The following ENTHD1 variants were observed in gnomAD, a reference collection of about 807,000 sequenced individuals.
The protein encoded by ENTHD1 is ENTH domain-containing protein 1.
In ENTHD1, 23 loss-of-function variants were observed where a neutral mutation model predicts 39.1. The observed-to-expected ratio is 0.59, with a 90% confidence interval of 0.42 to 0.83. The LOEUF is 0.83. Among genes scored for constraint, ENTHD1 ranks in the 40% least tolerant of loss-of-function variants. ENTHD1 has a pLI of 0.00. For missense variants in ENTHD1, 624 were observed against 705.4 expected (o/e 0.88, Z 1.31); for synonymous variants, 230 against 258.2 (o/e 0.89, Z 1.05).
Position 39,765,468 on chromosome 22 carries a change from C to T in ENTHD1, c.974G>A (p.Gly325Asp). 6.2e-7 allele frequency: 1 copy of T among 1,613,916 alleles called. No individual in the cohort carries two copies. The highest frequency in any genetic ancestry group is 8.5e-7 in the Non-Finnish European group (1 of 1,179,944). The part of the protein sequence containing the change: ...TPLEKQSAAE[G>D]LKTLTILPAC... ...TGGTAAAATTGTCAATGTTTTAAGA[C>T]CTTCTGCAGCTGATTGCTTTTCTAA... The change falls in exon 6 of 7, where the codon GGT becomes GAT. Residue 325 changes from glycine (G) to aspartate (D), a missense_variant. Coordinates refer to ENST00000325157, the MANE Select transcript of ENTHD1 (RefSeq NM_152512.4).
intron 5 of ENTHD1, among the ~76,000 whole-genome samples, chr22:39,804,714 CAT>C (rs1176736532): frequency 6.6e-6 from 1 of 152,208 alleles, no homozygotes; most frequent in Non-Finnish European, 1.5e-5. Flanking sequence ...CACAACTCCA[CAT>C]GTCACTGAAT....
intron 5 of ENTHD1, among the ~76,000 whole-genome samples, chr22:39,777,023 G>A (rs149166904): frequency 1.3e-5 from 2 of 152,298 alleles, no homozygotes; most frequent in African/African-American, 4.8e-5. Flanking sequence ...TCCAATTACA[G>A]CTACAAAGCA....
At chr22:39,864,797 G>T (rs2066170941) in intron 2 of ENTHD1, among the ~76,000 whole-genome samples, 1 of 152,114 alleles carries the variant, frequency 6.6e-6, no homozygotes, top group Non-Finnish European at 1.5e-5. Context: ...GTGGCTGAGG[G>T]ATGATAATCG....
At chr22:39,778,582 A>C (rs1206578138) in intron 5 of ENTHD1, among the ~76,000 whole-genome samples, 4 of 152,230 alleles carry the variant, frequency 2.6e-5, no homozygotes, top group African/African-American at 9.6e-5. Context: ...ATTCAAAATA[A>C]GCAAAAAAGA....
intron 3 of ENTHD1, among the ~76,000 whole-genome samples, chr22:39,850,668 T>C (rs1275688728): frequency 6.6e-6 from 1 of 152,164 alleles, no homozygotes; most frequent in Non-Finnish European, 1.5e-5. Flanking sequence ...TTGTCTGGAA[T>C]TTATGCACTC....
chr22:39,762,499 T>C (rs1407964461), intron 6 of ENTHD1, among the ~76,000 whole-genome samples: 1 of 151,968 alleles, frequency 6.6e-6, no homozygotes, highest in Non-Finnish European at 1.5e-5. Flanking sequence ...TCACCCAGGC[T>C]AAAGCGCAGT....
rs564854132 is a variant in ENTHD1, at chr22:39,875,793, A to T, written c.349+11607T>A. The T allele has an allele frequency of 5.0e-6, 8 of 1,613,542 alleles. No individual in the cohort carries two copies. The East Asian group carries it at 1.8e-4, about 36-fold the overall frequency. On this transcript the variant is annotated intron_variant, in intron 2 of 6. Transcript: ENST00000325157. ...CCAGAAGGCAAGAACATGGCTTTCA[A>T]ATGGAGAGGCAAACCCCTGTTTGTA...
intron 2 of ENTHD1, among the ~76,000 whole-genome samples, chr22:39,869,909 TA>T (rs1601657416): frequency 6.6e-6 from 1 of 151,922 alleles, no homozygotes; most frequent in Non-Finnish European, 1.5e-5. Context: ...GAGATTTTTT[TA>T]AAAAAATTCA....
chr22:39,848,116 G>A (rs1192623477), intron 3 of ENTHD1, among the ~76,000 whole-genome samples: 1 of 152,120 alleles, frequency 6.6e-6, no homozygotes, highest in Non-Finnish European at 1.5e-5. Context: ...TCTCACCTTC[G>A]AGGCCACTTG....
intron 6 of ENTHD1, among the ~76,000 whole-genome samples, chr22:39,752,513 C>T (rs1398760259): frequency 1.3e-5 from 2 of 152,082 alleles, no homozygotes; most frequent in Non-Finnish European, 1.5e-5. Flanking sequence ...CTAAAAGCTA[C>T]TAAATCATAC....
chr22:39,746,935 G>A (rs1486609786), intron 6 of ENTHD1, among the ~76,000 whole-genome samples: 3 of 152,170 alleles, frequency 2.0e-5, no homozygotes, highest in Admixed American at 1.3e-4. Context: ...GGTATTCATG[G>A]TTAATTGTTC....
intron 5 of ENTHD1, among the ~76,000 whole-genome samples, chr22:39,783,790 A>G (rs1339555429): frequency 6.6e-6 from 1 of 152,226 alleles, no homozygotes; most frequent in Non-Finnish European, 1.5e-5. Context: ...TGACACTATG[A>G]AACTACTGAA....
At chr22:39,777,332 A>G (rs1220043765) in intron 5 of ENTHD1, among the ~76,000 whole-genome samples, 4 of 152,222 alleles carry the variant, frequency 2.6e-5, no homozygotes, top group Non-Finnish European at 5.9e-5. Context: ...TTTTTCTTAC[A>G]GTACATGCAT....
chr22:39,803,006 G>A (rs1004222498), intron 5 of ENTHD1, among the ~76,000 whole-genome samples: 10 of 151,990 alleles, frequency 6.6e-5, no homozygotes, highest in Non-Finnish European at 1.5e-4. Context: ...GCTTCTGCTC[G>A]CACTTCCTCC....
At chr22:39,863,719 T>C (rs537776274) in intron 2 of ENTHD1, among the ~76,000 whole-genome samples, 1 of 152,302 alleles carries the variant, frequency 6.6e-6, no homozygotes, top group South Asian at 2.1e-4. Flanking sequence ...TGTATGTTCA[T>C]TTTGGGCTCT....
chr22:39,871,045 A>G (rs896028978), intron 2 of ENTHD1, among the ~76,000 whole-genome samples: 6 of 152,134 alleles, frequency 3.9e-5, no homozygotes, highest in Non-Finnish European at 8.8e-5. Context: ...TTAGCTAGTC[A>G]TGGTGGCAAA....
intron 5 of ENTHD1, among the ~76,000 whole-genome samples, chr22:39,789,248 T>C (rs1038795498): frequency 1.3e-5 from 2 of 152,240 alleles, no homozygotes; most frequent in African/African-American, 4.8e-5. Context: ...ACGGTAGTTC[T>C]ATTTTTATCT....
Position 39,856,873 on chromosome 22 carries a change from G to A in ENTHD1, c.592+4892C>T, listed in dbSNP as rs112849776. 4.0e-3 allele frequency among the ~76,000 whole-genome samples: 507 copies of A among 127,820 alleles called. 8 individuals are homozygous for A. The highest frequency in any genetic ancestry group is 8.0e-3 in the South Asian group (29 of 3,642). The allele number at this position is 127,820 out of a possible 152,430, so 83.9% of individuals were successfully genotyped here. A position where few individuals can be genotyped will look rare whatever the true frequency, so the allele number is the denominator to read the frequency against. ...GTCTCAAAAAAAAAAAAAAAAGAAA[G>A]AAAGAAAAGGAAAAGAAAAAGCACA... On this transcript the variant is annotated intron_variant, in intron 3 of 6. Transcript: ENST00000325157.
intron 5 of ENTHD1, among the ~76,000 whole-genome samples, chr22:39,784,064 A>G (rs545964157): frequency 2.0e-5 from 3 of 152,252 alleles, no homozygotes; most frequent in South Asian, 4.1e-4. Flanking sequence ...AAAAAAAGAT[A>G]TGATTAAAAA....
Sources: allele counts gnomAD v4.1 joint callset (sites outside exome capture counted in the v4.1 genomes callset), GRCh38; gene constraint gnomAD v4.1.1; transcripts MANE v1.5; gene names NCBI Gene and HGNC (gene_info 2026-07-23, HGNC 2026-07-21).